Variants in AIG1 observed in about 807,000 individuals in gnomAD.
AIG1 encodes the protein androgen-induced gene 1 protein.
In AIG1, 23 loss-of-function variants were observed where a neutral mutation model predicts 31.4. That is an observed-to-expected ratio of 0.73 (90% CI 0.53 to 1.04). The LOEUF (loss-of-function observed/expected upper bound fraction) is 1.04, where lower values mean the gene tolerates loss of function less well. Ranked by LOEUF, AIG1 falls within the 50% of genes least tolerant of loss-of-function variation. The probability of loss-of-function intolerance (pLI) is 0.00; values close to 1 mark genes in which losing one functional copy is unlikely to be tolerated. For missense variants in AIG1, 274 were observed against 295.0 expected (o/e 0.93, Z 0.52); for synonymous variants, 100 against 110.5 (o/e 0.90, Z 0.60).
At chr6:143,186,427 T>C (rs1013440472) in intron 3 of AIG1, among the ~76,000 whole-genome samples, 49 of 152,344 alleles carry the variant, frequency 3.2e-4, no homozygotes, top group African/African-American at 1.2e-3. Context: ...TTAGCCCAGA[T>C]TGGTGGAAAC....
chr6:143,061,262 C>G (rs1776231800), intron 1 of AIG1, 196 bp downstream of exon 1: 1 of 730,026 alleles, frequency 1.4e-6, no homozygotes, highest in African/African-American at 1.7e-5. Context: ...CCTTCTGAAC[C>G]ACTCACCGTT....
intron 3 of AIG1, among the ~76,000 whole-genome samples, chr6:143,240,286 G>A (rs1214662752): frequency 6.6e-6 from 1 of 152,152 alleles, no homozygotes; most frequent in African/African-American, 2.4e-5. Flanking sequence ...TATTACAATA[G>A]GCCCTGGCGA....
intron 3 of AIG1, among the ~76,000 whole-genome samples, chr6:143,185,147 G>C (rs1029648158): frequency 1.5e-4 from 23 of 149,194 alleles, no homozygotes; most frequent in African/African-American, 4.5e-4. Context: ...AGTGAGCTGA[G>C]ATTGTGCCAC....
chr6:143,246,645 G>A (rs964148080), intron 3 of AIG1, among the ~76,000 whole-genome samples: 1 of 152,216 alleles, frequency 6.6e-6, no homozygotes, highest in Non-Finnish European at 1.5e-5. Context: ...AAATGTTTGT[G>A]TGTGGAGTTC....
At chr6:143,195,283 T>A (rs1330460766) in intron 3 of AIG1, among the ~76,000 whole-genome samples, 1 of 151,962 alleles carries the variant, frequency 6.6e-6, no homozygotes, top group East Asian at 1.9e-4. Context: ...GCTGGAGGTG[T>A]GGTTAGAGAA....
intron 1 of AIG1, among the ~76,000 whole-genome samples, chr6:143,117,220 G>A (rs1401288056): frequency 1.3e-5 from 2 of 152,118 alleles, no homozygotes; most frequent in African/African-American, 4.8e-5. Context: ...ATGGGGTGCA[G>A]TTAGGGGGAA....
chr6:143,115,413 T>C (rs1781650340), intron 1 of AIG1, among the ~76,000 whole-genome samples: 1 of 152,142 alleles, frequency 6.6e-6, no homozygotes, highest in South Asian at 2.1e-4. Context: ...AATATTTGCA[T>C]TTATTTATTA....
intron 3 of AIG1, among the ~76,000 whole-genome samples, chr6:143,238,089 T>C (rs1241688288): frequency 2.0e-5 from 3 of 152,248 alleles, no homozygotes; most frequent in East Asian, 1.9e-4. Context: ...TACAGGCGCC[T>C]ACCACCATGC....
intron 3 of AIG1, among the ~76,000 whole-genome samples, chr6:143,218,113 T>C (rs1485226206): frequency 6.6e-6 from 1 of 152,250 alleles, no homozygotes; most frequent in Non-Finnish European, 1.5e-5. Flanking sequence ...GCAACCTAAA[T>C]GAACTCCATA....
intron 1 of AIG1, among the ~76,000 whole-genome samples, chr6:143,088,443 C>T (rs1321096814): frequency 6.6e-6 from 1 of 152,156 alleles, no homozygotes; most frequent in Non-Finnish European, 1.5e-5. Context: ...AACTGGTGCA[C>T]TCAAAGTGGG....
chr6:143,273,490 GCT>G (rs58561390), intron 3 of AIG1, among the ~76,000 whole-genome samples: 1,668 of 152,144 alleles, frequency 0.011, 22 homozygotes, highest in African/African-American at 0.038. Flanking sequence ...GTCCCCCATT[GCT>G]CTCTCTTCTT....
chr6:143,323,240 A>T lies in AIG1; in HGVS notation c.516-10042A>T, dbSNP rs147364804. Among the ~76,000 whole-genome samples the T allele has an allele frequency of 2.9e-4, 44 of 152,304 alleles. 1 individual carries two copies. The East Asian group carries it at 8.1e-3, about 28-fold the overall frequency. ...ATAAAAATGCAGAGCCCCTTGTTCA[A>T]AAATGATGTAAGACTTTCAAGATGG... On this transcript the variant is annotated intron_variant, in intron 4 of 5. Transcript: ENST00000357847.
intron 3 of AIG1, among the ~76,000 whole-genome samples, chr6:143,235,063 T>C (rs1467400750): frequency 6.6e-6 from 1 of 152,140 alleles, no homozygotes; most frequent in Non-Finnish European, 1.5e-5. Flanking sequence ...CTGTCATTCA[T>C]TGAAGGCCCA....
intron 4 of AIG1, among the ~76,000 whole-genome samples, chr6:143,294,317 C>T (rs79565142): frequency 6.6e-6 from 1 of 152,196 alleles, no homozygotes; most frequent in Non-Finnish European, 1.5e-5. Flanking sequence ...TCCCTACTCA[C>T]AGCTGAGTGC....
At chr6:143,342,258 G>A, downstream of AIG1, 1 of 684,834 alleles carries the variant, frequency 1.5e-6, no homozygotes, top group Admixed American at 2.0e-5. Flanking sequence ...GGGGTGGCGA[G>A]GCTGGGCGCA....
chr6:143,314,184 TAAAAAAAAAAAA>T (rs35691634), intron 4 of AIG1, among the ~76,000 whole-genome samples: 8,764 of 90,698 alleles, frequency 0.097, 591 homozygotes, highest in East Asian at 0.37. Context: ...ACCCATCTCT[TAAAAAAAAAAAA>T]AAAAAAAAAA....
Position 143,258,008 on chromosome 6 carries a change from A to T in AIG1, c.400-26102A>T, listed in dbSNP as rs1009391957. Among the ~76,000 whole-genome samples, 7 of 152,192 alleles carry T rather than the reference A, an allele frequency of 4.6e-5. No homozygotes were observed. The highest frequency in any genetic ancestry group is 8.8e-5 in the Non-Finnish European group (6 of 68,034). ...ACTGGGATTTCAAAAGTTAAAGAGG[A>T]GGAAGGGAAAGGAACAGAAACTAAT... On this transcript the variant is annotated intron_variant, in intron 3 of 5. Coordinates refer to ENST00000357847, the MANE Select transcript of AIG1 (RefSeq NM_016108.4). The surrounding 1 kb of genome is among the most constrained non-coding windows in gnomAD (Gnocchi z 4.7).
chr6:143,322,765 C>T (rs1453890982), intron 4 of AIG1, among the ~76,000 whole-genome samples: 1 of 152,164 alleles, frequency 6.6e-6, no homozygotes, highest in African/African-American at 2.4e-5. Flanking sequence ...GATTTAGAAT[C>T]AGGAAGAAAG....
intron 2 of AIG1, among the ~76,000 whole-genome samples, chr6:143,163,064 A>G (rs1424036000): frequency 6.6e-6 from 1 of 152,090 alleles, no homozygotes; most frequent in African/African-American, 2.4e-5. Flanking sequence ...TCAGAGTGAG[A>G]CCTGGGATCC....
Sources: gnomAD v4.1 joint callset for allele counts (sites outside exome capture counted in the v4.1 genomes callset) on GRCh38, gnomAD v4.1.1 for gene constraint, Gnocchi (gnomAD v3.1) non-coding constraint, MANE v1.5 for transcripts, NCBI Gene and HGNC (gene_info 2026-07-23, HGNC 2026-07-21) for gene names.